ZFAND3: variants seen among roughly 807,000 people sequenced by gnomAD.
ZFAND3 encodes zinc finger AN1-type containing 3.
In ZFAND3, 10 loss-of-function variants were observed where a neutral mutation model predicts 29.6. The observed-to-expected ratio is 0.34, with a 90% CI of 0.21 to 0.57. ZFAND3 has a LOEUF of 0.57. Ranked by LOEUF, ZFAND3 falls within the 20% of genes least tolerant of loss-of-function variation. ZFAND3 has a pLI of 0.86. For synonymous variants in ZFAND3, 128 were observed against 112.6 expected, an observed-to-expected ratio of 1.14 and a Z score of -0.87; for missense variants, 230 against 304.5, an observed-to-expected ratio of 0.76 and a Z score of 1.82.
intron 1 of ZFAND3, among the ~76,000 whole-genome samples, chr6:37,846,000 C>T (rs939923430): frequency 2.0e-4 from 31 of 152,298 alleles, no homozygotes; most frequent in African/African-American, 6.3e-4. Flanking sequence ...GAAGTGTTCT[C>T]TCATCTCTAC....
At position 38,084,145 on chromosome 6, in the gene ZFAND3, CT is replaced by C. The variant is rs562348602; in HGVS notation, c.361+1692del. 3.0e-4 allele frequency among the ~76,000 whole-genome samples: 46 copies of C among 152,248 alleles called. 1 individual carries two copies. In the South Asian group the frequency reaches 9.1e-3, roughly 30 times the overall value. ...TGTTTTCCCCTATATCATGCTACTG[CT>C]TTTCACATTTTATTGTAATTGTTTC... is the stretch of plus-strand genomic sequence containing the variant. On this transcript the variant is annotated intron_variant, in intron 4 of 5. Transcript: ENST00000287218.
At chr6:37,974,588 G>A (rs957917383) in intron 2 of ZFAND3, among the ~76,000 whole-genome samples, 1 of 151,854 alleles carries the variant, frequency 6.6e-6, no homozygotes, top group African/African-American at 2.4e-5. Context: ...TAGAGATAGG[G>A]TCTTGCTGTG....
intron 1 of ZFAND3, among the ~76,000 whole-genome samples, chr6:37,920,218 C>G (rs1190595642): frequency 4.6e-5 from 7 of 151,854 alleles, no homozygotes; most frequent in Non-Finnish European, 2.9e-5. Flanking sequence ...GGGACAGTTG[C>G]AATCATTGTA....
intron 3 of ZFAND3, among the ~76,000 whole-genome samples, chr6:38,063,310 T>C (rs1421066382): frequency 6.6e-6 from 1 of 152,222 alleles, no homozygotes; most frequent in Non-Finnish European, 1.5e-5. Flanking sequence ...AAATTAAATA[T>C]ATTTGTTGTA....
At chr6:37,992,098 G>C (rs904535819) in intron 2 of ZFAND3, among the ~76,000 whole-genome samples, 1 of 152,004 alleles carries the variant, frequency 6.6e-6, no homozygotes, top group African/African-American at 2.4e-5. Context: ...GACTTTTCTT[G>C]CAACTTATGT....
chr6:37,954,104 C>T (rs182387215), intron 2 of ZFAND3, among the ~76,000 whole-genome samples: 3 of 151,968 alleles, frequency 2.0e-5, no homozygotes, highest in East Asian at 1.9e-4. Context: ...ATTTTTGTTC[C>T]TCCATATTTA....
At chr6:37,957,059 C>G (rs1218778665) in intron 2 of ZFAND3, among the ~76,000 whole-genome samples, 1 of 152,158 alleles carries the variant, frequency 6.6e-6, no homozygotes, top group Non-Finnish European at 1.5e-5. Context: ...CCATGGCTTT[C>G]CTGACTTCCT....
At chr6:38,066,847 C>T (rs1290952699) in intron 3 of ZFAND3, among the ~76,000 whole-genome samples, 2 of 152,070 alleles carry the variant, frequency 1.3e-5, no homozygotes, top group East Asian at 1.9e-4. Flanking sequence ...AATACGCTTC[C>T]CTGCAGGTAA....
intron 2 of ZFAND3, among the ~76,000 whole-genome samples, chr6:38,036,713 A>G (rs965116025): frequency 3.9e-5 from 6 of 152,240 alleles, no homozygotes; most frequent in African/African-American, 7.2e-5. Context: ...AACTAACTTG[A>G]CAAGCATGTT....
chr6:38,002,614 T>C (rs149096536), intron 2 of ZFAND3, among the ~76,000 whole-genome samples: 1 of 151,828 alleles, frequency 6.6e-6, no homozygotes, highest in African/African-American at 2.4e-5. Context: ...GAGGTGGAGG[T>C]TGCAATTGCC....
intron 1 of ZFAND3, among the ~76,000 whole-genome samples, chr6:37,910,639 A>G (rs1237166754): frequency 6.6e-6 from 1 of 152,188 alleles, no homozygotes; most frequent in Non-Finnish European, 1.5e-5. Flanking sequence ...TCAAGTATAC[A>G]ATAAATTGTT....
At chr6:38,052,063 T>C (rs779465705) in intron 2 of ZFAND3, among the ~76,000 whole-genome samples, 8 of 152,196 alleles carry the variant, frequency 5.3e-5, no homozygotes, top group Non-Finnish European at 8.8e-5. Context: ...ATTTCAGTGA[T>C]AAACTAGATT....
chr6:37,971,139 C>T (rs1335827245), intron 2 of ZFAND3, among the ~76,000 whole-genome samples: 1 of 152,270 alleles, frequency 6.6e-6, no homozygotes, highest in East Asian at 1.9e-4. Context: ...ATTTTTTAGT[C>T]TCCATTCTCT....
chr6:38,118,752 C>T (rs1020074075), intron 5 of ZFAND3, among the ~76,000 whole-genome samples: 1 of 113,978 alleles, frequency 8.8e-6, no homozygotes, highest in East Asian at 2.2e-4. Context: ...TTAGCATCCA[C>T]CTGAAAAAAA....
Position 38,117,256 on chromosome 6 carries a change from C to CA in ZFAND3, c.529+517_529+518insA, listed in dbSNP as rs1554182161. Among the ~76,000 whole-genome samples, 899 of 96,362 alleles carry CA rather than the reference C, an allele frequency of 9.3e-3. 14 individuals carry two copies. Among genetic ancestry groups the CA allele is most frequent in the African/African-American group, 0.036 (844 of 23,638 alleles). The allele number at this position is 96,362 out of a possible 152,430, so 63.2% of individuals were successfully genotyped here. On this transcript the variant is annotated intron_variant, in intron 5 of 5. Transcript: ENST00000287218. ...TAGTCAGTTAATACCTTGAAATAGC[C>CA]TTTTTTTTTTTTTTTTTTTTTTCCT...
chr6:38,132,606 C>T (rs1765763853), intron 5 of ZFAND3, among the ~76,000 whole-genome samples: 1 of 152,212 alleles, frequency 6.6e-6, no homozygotes, highest in Admixed American at 6.5e-5. Context: ...GATTCCTTGA[C>T]ATATAATCCA....
At chr6:37,830,811 T>C (rs1763846473) in intron 1 of ZFAND3, among the ~76,000 whole-genome samples, 1 of 151,822 alleles carries the variant, frequency 6.6e-6, no homozygotes, top group South Asian at 2.1e-4. Context: ...CTTGCTCTTC[T>C]TAGAAAAACA....
At chr6:38,031,694 C>T (rs1042433541) in intron 2 of ZFAND3, among the ~76,000 whole-genome samples, 2 of 152,112 alleles carry the variant, frequency 1.3e-5, no homozygotes, top group African/African-American at 4.8e-5. Flanking sequence ...TAATTATAAC[C>T]GCCTTAAAGT....
At chr6:38,023,868 A>G (rs567042795) in intron 2 of ZFAND3, among the ~76,000 whole-genome samples, 1 of 152,302 alleles carries the variant, frequency 6.6e-6, no homozygotes, top group African/African-American at 2.4e-5. Context: ...AATTTTTAAA[A>G]GCAGGTTGGG....
Sources: gnomAD v4.1 joint callset for allele counts (sites outside exome capture counted in the v4.1 genomes callset) on GRCh38, gnomAD v4.1.1 for gene constraint, MANE v1.5 for transcripts, NCBI Gene and HGNC (gene_info 2026-07-23, HGNC 2026-07-21) for gene names.